ORC5: variants seen among roughly 807,000 people sequenced by gnomAD.
ORC5 encodes the protein origin recognition complex subunit 5.
In ORC5, 39 loss-of-function variants were observed where a neutral mutation model predicts 58.8. The ratio of observed to expected loss-of-function variants is 0.66; its 90% CI spans 0.51 to 0.87. The LOEUF is 0.87. Among genes scored for constraint, ORC5 ranks in the 40% least tolerant of loss-of-function variants. ORC5 has a pLI of 0.00. For synonymous variants in ORC5, 218 were observed against 177.6 expected (o/e 1.23, Z -1.81); for missense variants, 493 against 506.3 (o/e 0.97, Z 0.25).
rs148967503 is a variant in ORC5 at position 104,163,872 on chromosome 7, T to A, written c.1038+1363A>T. On this transcript the variant is annotated intron_variant, in intron 11 of 13. Coordinates refer to ENST00000297431, the MANE Select transcript of ORC5 (RefSeq NM_002553.4). ...TTCACATATTAACTTCAGTAGATAT[T>A]GTCAACCTGCAGAACAGGCAGACTC... Among the ~76,000 whole-genome samples, 19 of 152,336 alleles carry A rather than the reference T, an allele frequency of 1.2e-4. No homozygotes were observed. The East Asian group carries it at 3.7e-3, about 29-fold the overall frequency.
intron 6 of ORC5, among the ~76,000 whole-genome samples, chr7:104,184,640 T>A (rs769100403): frequency 6.6e-6 from 1 of 152,182 alleles, no homozygotes; most frequent in South Asian, 2.1e-4. Flanking sequence ...TTGGTATATT[T>A]TGATATGGCT....
At chr7:104,144,045 G>T (rs1047821700) in intron 12 of ORC5, among the ~76,000 whole-genome samples, 8 of 152,084 alleles carry the variant, frequency 5.3e-5, no homozygotes, top group Non-Finnish European at 1.2e-4. Context: ...CTTGAACCCA[G>T]GGGGTGGAGG....
At chr7:104,162,330 A>G (rs1799038766) in intron 11 of ORC5, among the ~76,000 whole-genome samples, 1 of 152,168 alleles carries the variant, frequency 6.6e-6, no homozygotes, top group African/African-American at 2.4e-5. Context: ...GCACTGCCAC[A>G]CATGGCTAAC....
chr7:104,168,947 T>C (rs1273380003), intron 8 of ORC5, among the ~76,000 whole-genome samples: 1 of 152,162 alleles, frequency 6.6e-6, no homozygotes, highest in Non-Finnish European at 1.5e-5. Flanking sequence ...CTGGGTATGG[T>C]GGCGCATGCC....
intron 8 of ORC5, among the ~76,000 whole-genome samples, chr7:104,178,369 G>A (rs1223904596): frequency 1.3e-5 from 2 of 152,166 alleles, no homozygotes; most frequent in Non-Finnish European, 2.9e-5. Context: ...CTTCTTTTGA[G>A]AAGTGTCTGT....
rs564865473 is a variant in ORC5, at chr7:104,127,993, T to A, written c.1263-1100A>T. On this transcript the variant is annotated intron_variant, in intron 13 of 13. Transcript: ENST00000297431. ...AACAATACTGCAGAACTAAAAAGTT[T>A]AAAAAAAATCTTTTGCATAAAGACG... Among the ~76,000 whole-genome samples, 6 of 152,282 alleles carry A rather than the reference T, an allele frequency of 3.9e-5. No individual in the cohort carries two copies. In the South Asian group the frequency reaches 1.2e-3, roughly 32 times the overall value.
At chr7:104,201,025 G>C (rs929124738) in intron 2 of ORC5, 67 bp from the exon 3 acceptor site, 10 of 1,340,920 alleles carry the variant, frequency 7.5e-6, no homozygotes, top group Non-Finnish European at 1.0e-5. Context: ...TGGCTGTGCT[G>C]GATAGTCTCC....
Position 104,126,786 on chromosome 7 carries a change from C to G in ORC5, c.*62G>C, listed in dbSNP as rs1196427496. 1 of 1,274,204 alleles carries G rather than the reference C, an allele frequency of 7.8e-7. No homozygotes were observed. The allele number at this position is 1,274,204 out of a possible 1,614,324, so 78.9% of individuals were successfully genotyped here. On this transcript the variant is annotated 3_prime_UTR_variant, in exon 14 of 14. Transcript: ENST00000297431. ...CTCCTCTCCTTGGCCAGCTAAGTAG[C>G]TGGATGAACACAGCTTGGCTTAGTC...
At chr7:104,195,070 C>A (rs1192781908) in intron 5 of ORC5, 73 bp downstream of exon 5, 2 of 711,264 alleles carry the variant, frequency 2.8e-6, no homozygotes, top group Non-Finnish European at 4.8e-6. Context: ...TTTGAATATG[C>A]TAGTTTAATC....
intron 12 of ORC5, among the ~76,000 whole-genome samples, chr7:104,143,147 C>A (rs1798701327): frequency 6.6e-6 from 1 of 150,432 alleles, no homozygotes; most frequent in Admixed American, 6.6e-5. Context: ...AGGCAGTTCC[C>A]CTTAGTACTT....
At chr7:104,130,555 C>T (rs994859879) in intron 13 of ORC5, among the ~76,000 whole-genome samples, 9 of 152,168 alleles carry the variant, frequency 5.9e-5, no homozygotes, top group Non-Finnish European at 1.0e-4. Context: ...TCCTCTTTGT[C>T]GCCATCCCTT....
chr7:104,147,506 G>A (rs1042662360), intron 12 of ORC5, among the ~76,000 whole-genome samples: 45 of 151,996 alleles, frequency 3.0e-4, no homozygotes, highest in Non-Finnish European at 1.8e-4. Flanking sequence ...AAAAATAATT[G>A]CACAGTAAAA....
chr7:104,166,404 T>C (rs1260856842), intron 10 of ORC5, among the ~76,000 whole-genome samples: 1 of 152,232 alleles, frequency 6.6e-6, no homozygotes, highest in Admixed American at 6.5e-5. Flanking sequence ...CTCCAACTAA[T>C]GTATGTACAG....
chr7:104,179,048 T>A (rs1799379951), intron 8 of ORC5, among the ~76,000 whole-genome samples: 1 of 151,244 alleles, frequency 6.6e-6, no homozygotes, highest in Non-Finnish European at 1.5e-5. Context: ...GAGACACAGA[T>A]GTGCAAAGTT....
In ORC5 at chr7:104,207,844, A is replaced by G. The variant is rs1341590729; in HGVS notation, c.61T>C (p.Leu21=). 5 of 1,613,988 alleles carry G rather than the reference A, an allele frequency of 3.1e-6. No homozygotes were observed. Among genetic ancestry groups the G allele is most frequent in the Non-Finnish European group, 4.2e-6 (5 of 1,179,950 alleles). The stretch of plus-strand genomic sequence containing the variant: ...TTTAACTACAATACCTCTCCAAACA[A>G]GGACTGCAAGATGGACACTTGAGAC... ...RESQVSILQS[L]FGERHHFSFP... The change falls in exon 1 of 14, where the codon TTG becomes CTG. Residue 21 remains leucine, a synonymous_variant. Transcript: ENST00000297431.
intron 13 of ORC5, among the ~76,000 whole-genome samples, chr7:104,135,260 A>G (rs1307972125): frequency 6.6e-6 from 1 of 152,188 alleles, no homozygotes; most frequent in African/African-American, 2.4e-5. Context: ...TAAAGTTCCA[A>G]TATAATTGCT....
chr7:104,197,680 C>A, intron 4 of ORC5, 45 bp downstream of exon 4: 1 of 1,243,634 alleles, frequency 8.0e-7, no homozygotes, highest in South Asian at 1.4e-5. Flanking sequence ...CAACACAATC[C>A]ATTGATTAAG....
At chr7:104,204,340 A>G in intron 1 of ORC5, 106 bp from the exon 2 acceptor site, 2 of 684,530 alleles carry the variant, frequency 2.9e-6, no homozygotes, top group Admixed American at 2.7e-5. Flanking sequence ...ATTCAATCCA[A>G]ATTCCTAACA....
intron 5 of ORC5, among the ~76,000 whole-genome samples, chr7:104,191,555 G>A (rs571940179): frequency 2.0e-5 from 3 of 151,348 alleles, no homozygotes; most frequent in South Asian, 4.2e-4. Context: ...ATCACCGGCC[G>A]ATTTCAGCCC....
Sources: gnomAD v4.1 joint callset for allele counts (sites outside exome capture counted in the v4.1 genomes callset) on GRCh38, gnomAD v4.1.1 for gene constraint, MANE v1.5 for transcripts, NCBI Gene and HGNC (gene_info 2026-07-23, HGNC 2026-07-21) for gene names.